The following SLC5A4 variants were observed in gnomAD, a reference collection of about 807,000 sequenced individuals.
SLC5A4 encodes the protein solute carrier family 5 member 4.
Under a neutral mutation model 70.3 loss-of-function variants are expected in SLC5A4, and 55 were observed. The ratio of observed to expected loss-of-function variants is 0.78; its 90% CI spans 0.63 to 0.98. SLC5A4 has a LOEUF of 0.98. SLC5A4 is among the 50% of genes least tolerant of loss of function. The pLI is 0.00. For synonymous variants in SLC5A4, 268 were observed against 305.7 expected (o/e 0.88, Z 1.29); for missense variants, 735 against 839.2 (o/e 0.88, Z 1.53).
chr22:32,229,303 T>A lies in SLC5A4; in HGVS notation c.1171A>T (p.Met391Leu), dbSNP rs765052623. 6.2e-7 allele frequency: 1 copy of A among 1,614,048 alleles called. No homozygotes were observed. Among genetic ancestry groups the A allele is most frequent in the Non-Finnish European group, 8.5e-7 (1 of 1,180,036 alleles). The part of the protein sequence containing the change: ...LMLSVMLASL[M>L]SSLTSIFNSA... ...TTGAAGATGGAGGTCAGGGAGCTCATGAGAGAGGCCAGCATGACCGAAAGC... is the reference window on the plus strand; with the variant it reads ...TTGAAGATGGAGGTCAGGGAGCTCAAGAGAGAGGCCAGCATGACCGAAAGC... Residue 391 changes from methionine to leucine, a missense_variant, in exon 11 of 15, where the codon ATG becomes TTG. Coordinates refer to ENST00000266086, the MANE Select transcript of SLC5A4 (RefSeq NM_014227.3).
chr22:32,268,140 A>G, the SLC5A4 span: 1 of 152,106 alleles, frequency 6.6e-6, no homozygotes, highest in Admixed American at 6.6e-5. Context: ...AGTCTTTTAT[A>G]TATGTATTTA....
chr22:32,306,723 T>C, the SLC5A4 span, among the ~76,000 whole-genome samples: 4 of 151,844 alleles, frequency 2.6e-5, no homozygotes, highest in Non-Finnish European at 4.4e-5. Context: ...TTGTGGGAGG[T>C]CTCCTGCCTT....
At chr22:32,314,417 G>GT in the SLC5A4 span, among the ~76,000 whole-genome samples, 1 of 152,152 alleles carries the variant, frequency 6.6e-6, no homozygotes, top group Admixed American at 6.5e-5. Context: ...GCTTAATAAT[G>GT]TTTATCAAAT....
At chr22:32,248,904 TGGC>T in intron 3 of SLC5A4, 102 bp from the exon 4 acceptor site, 1 of 803,148 alleles carries the variant, frequency 1.2e-6, no homozygotes, top group Non-Finnish European at 2.2e-6. Context: ...AAAAAAAAGT[TGGC>T]TCAATCCTGT....
the SLC5A4 span, among the ~76,000 whole-genome samples, chr22:32,283,385 G>A: frequency 1.3e-5 from 2 of 152,166 alleles, no homozygotes; most frequent in African/African-American, 2.4e-5. Flanking sequence ...CTCCTCACCT[G>A]TCCCTGCTTC....
At chr22:32,225,627 G>C (rs777206724) in intron 12 of SLC5A4, 28 bp downstream of exon 12, 4 of 1,520,084 alleles carry the variant, frequency 2.6e-6, no homozygotes, top group African/African-American at 1.4e-5. Context: ...ACTCCAGCAG[G>C]GAAACTTTTT....
intron 2 of SLC5A4, among the ~76,000 whole-genome samples, chr22:32,252,969 A>G (rs1168831345): frequency 6.6e-6 from 1 of 152,180 alleles, no homozygotes; most frequent in African/African-American, 2.4e-5. Flanking sequence ...GCTCAGCTAC[A>G]TGGGGCCAGA....
the SLC5A4 span, among the ~76,000 whole-genome samples, chr22:32,318,036 A>C: frequency 6.6e-6 from 1 of 151,988 alleles, no homozygotes; most frequent in East Asian, 1.9e-4. Context: ...ACTCATCCTC[A>C]CAGCAGCATT....
the SLC5A4 span, among the ~76,000 whole-genome samples, chr22:32,307,538 G>A: frequency 1.3e-5 from 2 of 152,214 alleles, no homozygotes; most frequent in Admixed American, 6.5e-5. Context: ...TGTTGAATAG[G>A]TGAGGGAAGT....
the SLC5A4 span, among the ~76,000 whole-genome samples, chr22:32,307,072 C>T: frequency 6.6e-6 from 1 of 152,082 alleles, no homozygotes; most frequent in Non-Finnish European, 1.5e-5. Context: ...ATTGTACCAA[C>T]CCAAGGGTAA....
chr22:32,226,616 G>C (rs1329286995), intron 11 of SLC5A4, among the ~76,000 whole-genome samples: 4 of 152,148 alleles, frequency 2.6e-5, no homozygotes, highest in Admixed American at 1.3e-4. Context: ...TAAACTATGG[G>C]AAGTCTTAGC....
the SLC5A4 span, among the ~76,000 whole-genome samples, chr22:32,308,593 T>G: frequency 6.6e-6 from 1 of 152,208 alleles, no homozygotes; most frequent in African/African-American, 2.4e-5. Flanking sequence ...CATTCCTGGC[T>G]GTGTTTCCCC....
intron 1 of SLC5A4, among the ~76,000 whole-genome samples, chr22:32,254,952 T>C (rs1036250536): frequency 2.6e-5 from 4 of 152,344 alleles, no homozygotes; most frequent in Non-Finnish European, 5.9e-5. Context: ...TTGTCCATTA[T>C]GCCAGGTGTT....
the SLC5A4 span, chr22:32,271,899 A>G: frequency 3.4e-6 from 2 of 582,054 alleles, no homozygotes; most frequent in Non-Finnish European, 6.6e-6. Context: ...TCCAAGATGT[A>G]CGCTGTGGCC....
the SLC5A4 span, among the ~76,000 whole-genome samples, chr22:32,330,755 AGCTCTGGTGTATGTGTTGGGG>A: frequency 2.0e-5 from 1 of 48,814 alleles, no homozygotes; most frequent in Non-Finnish European, 3.5e-5. Context: ...GTGTGTTGGA[AGCTCTGGTGTATGTGTTGGGG>A]GCTCTGGTGT....
chr22:32,315,344 C>T, the SLC5A4 span, among the ~76,000 whole-genome samples: 1 of 152,070 alleles, frequency 6.6e-6, no homozygotes, highest in South Asian at 2.1e-4. Flanking sequence ...AGAGGTAATA[C>T]AAGTAAACTA....
At chr22:32,298,214 ACTTT>A in the SLC5A4 span, among the ~76,000 whole-genome samples, 1 of 142,704 alleles carries the variant, frequency 7.0e-6, no homozygotes, top group African/African-American at 2.6e-5. Flanking sequence ...ATCCTTGTTG[ACTTT>A]CTGTCTCGTT....
chr22:32,272,996 C>T, the SLC5A4 span: 7 of 541,084 alleles, frequency 1.3e-5, no homozygotes, highest in Admixed American at 2.2e-5. Context: ...GCTGCTCAAC[C>T]GCTACCTGTA....
chr22:32,336,847 G>A, the SLC5A4 span, among the ~76,000 whole-genome samples: 2 of 152,254 alleles, frequency 1.3e-5, no homozygotes, highest in African/African-American at 4.8e-5. Flanking sequence ...CAGGGGCCTG[G>A]CCTTTTTTGT....
Sources: allele counts gnomAD v4.1 joint callset (sites outside exome capture counted in the v4.1 genomes callset), GRCh38; gene constraint gnomAD v4.1.1; transcripts MANE v1.5; gene names NCBI Gene and HGNC (gene_info 2026-07-23, HGNC 2026-07-21).